Variants in COLGALT1 observed in about 807,000 individuals in gnomAD.
The protein encoded by COLGALT1 is procollagen galactosyltransferase 1.
Under a neutral mutation model 60.8 loss-of-function variants are expected in COLGALT1, and 43 were observed. That is an observed-to-expected ratio of 0.71 (90% confidence interval 0.55 to 0.91). The LOEUF is 0.91. Among genes scored for constraint, COLGALT1 ranks in the 40% least tolerant of loss-of-function variants. COLGALT1 has a pLI of 0.00. For missense variants in COLGALT1, 845 were observed against 880.0 expected, an observed-to-expected ratio of 0.96 and a Z score of 0.50; for synonymous variants, 369 against 374.2, an observed-to-expected ratio of 0.99 and a Z score of 0.16.
In COLGALT1 at chr19:17,555,984, C is replaced by G. The variant is rs1037507910; in HGVS notation, c.260+11C>G. 2.1e-5 allele frequency: 28 copies of G among 1,316,836 alleles called. No individual in the cohort carries two copies. Among genetic ancestry groups the G allele is most frequent in the Non-Finnish European group, 2.7e-5 (28 of 1,030,124 alleles). The allele number at this position is 1,316,836 out of a possible 1,614,324, so 81.6% of individuals were successfully genotyped here. On this transcript the variant is annotated intron_variant, in intron 1 of 11. Transcript: ENST00000252599. ...GCGCACGGCGCTATGGTGAGTCGAG[C>G]CCGCTGTCCCCATCAGGCGGGTCAC...
In COLGALT1 at chr19:17,580,731, AC is replaced by A; in HGVS notation, c.1431del (p.Glu478ArgfsTer7). The A allele has an allele frequency of 6.2e-7, 1 of 1,613,736 alleles. No individual in the cohort carries two copies. The highest frequency in any genetic ancestry group is 8.5e-7 in the Non-Finnish European group (1 of 1,179,940). The part of the protein sequence containing the change: ...YVGRKRMQVE[H>X]PEKAVPRVRN... The stretch of plus-strand genomic sequence containing the variant: ...GGCCGGAAGCGGATGCAGGTGGAGC[AC>A]CCCGAGAAGGCTGTGCCTCGCGTGA... On this transcript the variant is annotated frameshift_variant, in exon 11 of 12. Transcript: ENST00000252599. LOFTEE classifies it high-confidence loss of function.
At chr19:17,559,047 G>A (rs1166544098) in intron 1 of COLGALT1, among the ~76,000 whole-genome samples, 1 of 152,054 alleles carries the variant, frequency 6.6e-6, no homozygotes, top group Non-Finnish European at 1.5e-5. Context: ...TGTAGTCCCA[G>A]CTACTTGGGA....
At chr19:17,562,539 G>A (rs754191074) in intron 3 of COLGALT1, among the ~76,000 whole-genome samples, 1 of 152,100 alleles carries the variant, frequency 6.6e-6, no homozygotes, top group Admixed American at 6.6e-5. Flanking sequence ...ATGCGCGCCT[G>A]TAACCCCAGC....
intron 6 of COLGALT1, among the ~76,000 whole-genome samples, chr19:17,575,625 C>CA (rs2076336408): frequency 6.6e-6 from 1 of 151,328 alleles, no homozygotes; most frequent in Non-Finnish European, 1.5e-5. Flanking sequence ...ATGATCTGCC[C>CA]ACCTCAGCCT....
intron 3 of COLGALT1, among the ~76,000 whole-genome samples, chr19:17,563,717 C>T (rs113078315): frequency 3.9e-5 from 6 of 152,208 alleles, no homozygotes; most frequent in African/African-American, 1.4e-4. Flanking sequence ...TCTCGAACTC[C>T]TGACTTCAGG....
In COLGALT1 at chr19:17,579,915, C is replaced by T. The variant is rs1351030106; in HGVS notation, c.1394+306C>T. On this transcript the variant is annotated intron_variant, in intron 10 of 11. Transcript: ENST00000252599. ...CCCTTGGAAGCGTAGCAGGAGGGCT[C>T]ACGTGGTTCCTGGGCCTGAAGGCAC... 7 of 369,368 alleles carry T rather than the reference C, an allele frequency of 1.9e-5. No individual in the cohort carries two copies. In the East Asian group the frequency reaches 2.7e-4, roughly 14 times the overall value. 22.9% of individuals were successfully genotyped at this position (369,368 alleles called of 1,614,324 possible). A position where few individuals can be genotyped will look rare whatever the true frequency, so the allele number is the denominator to read the frequency against.
rs767964128 is a variant in COLGALT1, at chr19:17,577,347, T to C, written c.1027-14T>C. 5 of 1,604,256 alleles carry C rather than the reference T, an allele frequency of 3.1e-6. No individual in the cohort carries two copies. The highest frequency in any genetic ancestry group is 3.4e-5 in the Admixed American group (2 of 58,388). ...TGCAGGGGCTGATCTGGCTGGGGAC[T>C]CTCCGGGCTGCAGGTCTTCATGATC... On this transcript the variant is annotated splice_polypyrimidine_tract_variant and intron_variant, in intron 7 of 11. Coordinates refer to ENST00000252599, the MANE Select transcript of COLGALT1 (RefSeq NM_024656.4).
chr19:17,579,103 C>T (rs1207227093), intron 9 of COLGALT1, among the ~76,000 whole-genome samples: 4 of 145,532 alleles, frequency 2.7e-5, no homozygotes, highest in African/African-American at 7.7e-5. Context: ...ACCTGGGAGG[C>T]GGAGGTTGCA....
At chr19:17,572,747 G>A (rs1168952017) in intron 6 of COLGALT1, 145 bp downstream of exon 6, 24 of 1,204,936 alleles carry the variant, frequency 2.0e-5, no homozygotes, top group Admixed American at 6.5e-5. Flanking sequence ...ACGTGTGAAC[G>A]AGGTGGAGGG....
intron 6 of COLGALT1, among the ~76,000 whole-genome samples, chr19:17,575,138 G>A (rs1231866557): frequency 2.0e-5 from 3 of 152,124 alleles, no homozygotes; most frequent in Non-Finnish European, 4.4e-5. Flanking sequence ...TGCAACCTCC[G>A]CCTCCCAGGT....
rs576685094 is a variant in COLGALT1 at position 17,566,529 on chromosome 19, A to G, written c.490-877A>G. Among the ~76,000 whole-genome samples the G allele has an allele frequency of 3.3e-5, 5 of 152,180 alleles. No individual in the cohort carries two copies. The South Asian group carries it at 1.0e-3, about 32-fold the overall frequency. On this transcript the variant is annotated intron_variant, in intron 3 of 11. Coordinates refer to ENST00000252599, the MANE Select transcript of COLGALT1 (RefSeq NM_024656.4). ...TCTAGGTGCAGTGGCTCAGACCTGTAATCTCAGAACTATTGTAGGCCATGG... is the reference window on the plus strand; with the variant it reads ...TCTAGGTGCAGTGGCTCAGACCTGTGATCTCAGAACTATTGTAGGCCATGG...
In COLGALT1 at chr19:17,555,809, G is replaced by C; in HGVS notation, c.96G>C (p.Pro32=). 2 of 1,257,844 alleles carry C rather than the reference G, an allele frequency of 1.6e-6. No individual in the cohort carries two copies. The highest frequency in any genetic ancestry group is 2.0e-6 in the Non-Finnish European group (2 of 1,000,650). The allele number at this position is 1,257,844 out of a possible 1,614,324, so 77.9% of individuals were successfully genotyped here. A position where few individuals can be genotyped will look rare whatever the true frequency, so the allele number is the denominator to read the frequency against. ...CGCCACTGCCGCCGGGGGCCCCGCC[G>C]GGCGCCGACGCCTACTTCCCCGAGG... ...LLAPLPPGAP[P]GADAYFPEER... The change falls in exon 1 of 12, where the codon CCG becomes CCC. Residue 32 remains proline (P), a synonymous_variant. Transcript: ENST00000252599.
intron 3 of COLGALT1, among the ~76,000 whole-genome samples, chr19:17,564,659 C>CA (rs1471106748): frequency 6.6e-6 from 1 of 151,978 alleles, no homozygotes; most frequent in Non-Finnish European, 1.5e-5. Context: ...CTCAAGTGAT[C>CA]ACCTGCCTCA....
At chr19:17,558,689 A>G (rs1467025932) in intron 1 of COLGALT1, among the ~76,000 whole-genome samples, 3 of 151,698 alleles carry the variant, frequency 2.0e-5, no homozygotes, top group Non-Finnish European at 4.4e-5. Flanking sequence ...AAAGAAAAAA[A>G]AAATTAAGTG....
At chr19:17,580,591 A>T in intron 10 of COLGALT1, 108 bp from the exon 11 acceptor site, 2 of 1,039,060 alleles carry the variant, frequency 1.9e-6, no homozygotes. Flanking sequence ...AAACATGCTG[A>T]GCCTGCTCCC....
At chr19:17,564,060 AC>A (rs35461950) in intron 3 of COLGALT1, among the ~76,000 whole-genome samples, 2 of 122,310 alleles carry the variant, frequency 1.6e-5, no homozygotes, top group East Asian at 2.0e-4. Context: ...ACATAGTGAG[AC>A]CCCCCCCATC....
chr19:17,559,430 C>A lies in COLGALT1; in HGVS notation c.371+9C>A, dbSNP rs750405640. On this transcript the variant is annotated intron_variant, in intron 2 of 11. Transcript: ENST00000252599. ...CCAGCAGAGGAGCCCAGGTGAGCAT[C>A]TTTCCCCTGCTCCTAGTCTGATTGG... 6.5e-7 allele frequency: 1 copy of A among 1,542,534 alleles called. No homozygotes were observed. Among genetic ancestry groups the A allele is most frequent in the South Asian group, 1.2e-5 (1 of 83,850 alleles).
In COLGALT1 at chr19:17,573,034, C is replaced by G. The variant is rs527399647; in HGVS notation, c.949+432C>G. On this transcript the variant is annotated intron_variant, in intron 6 of 11. Transcript: ENST00000252599. ...GACCAGGCTGAGGAAGGGACCTTCCCCCTGAGGACAGTCAGGAGCTATAGA... is the reference window on the plus strand; with the variant it reads ...GACCAGGCTGAGGAAGGGACCTTCCGCCTGAGGACAGTCAGGAGCTATAGA... Among the ~76,000 whole-genome samples, 5 of 152,044 alleles carry G rather than the reference C, an allele frequency of 3.3e-5. No homozygotes were observed. The South Asian group carries it at 1.0e-3, about 32-fold the overall frequency.
At chr19:17,564,255 G>A (rs1426272633) in intron 3 of COLGALT1, among the ~76,000 whole-genome samples, 3 of 151,308 alleles carry the variant, frequency 2.0e-5, no homozygotes, top group East Asian at 1.9e-4. Flanking sequence ...CTTAAGCTTC[G>A]TATATGTGTA....
Sources: gnomAD v4.1 joint callset for allele counts (sites outside exome capture counted in the v4.1 genomes callset) on GRCh38, gnomAD v4.1.1 for gene constraint, MANE v1.5 for transcripts, NCBI Gene and HGNC (gene_info 2026-07-23, HGNC 2026-07-21) for gene names.